RCOR1: variants seen among roughly 807,000 people sequenced by gnomAD.
The protein encoded by RCOR1 is REST corepressor.
A neutral mutation model predicts 64.0 loss-of-function variants in RCOR1; 12 were observed. That is an observed-to-expected ratio of 0.19 (90% CI 0.12 to 0.30). The LOEUF (loss-of-function observed/expected upper bound fraction) is 0.30. Among genes scored for constraint, RCOR1 ranks in the 10% least tolerant of loss-of-function variants. The probability of loss-of-function intolerance (pLI) is 1.00; values close to 1 mark genes in which losing one functional copy is unlikely to be tolerated. For missense variants in RCOR1, 502 were observed against 621.2 expected (o/e 0.81, Z 2.04); for synonymous variants, 279 against 227.2 (o/e 1.23, Z -2.05).
In RCOR1 at chr14:102,658,432, G is replaced by C. The variant is rs570642067; in HGVS notation, c.362-23463G>C. On this transcript the variant is annotated intron_variant, in intron 2 of 11. Transcript: ENST00000262241. ...AACTAGGGAGGTAAGAAGTTGCAGTGAGCCAAGATCACACCATTGCACTCC... is the reference window on the plus strand; with the variant it reads ...AACTAGGGAGGTAAGAAGTTGCAGTCAGCCAAGATCACACCATTGCACTCC... 4.1e-6 allele frequency: 3 copies of C among 737,934 alleles called. No homozygotes were observed. In the African/African-American group the frequency reaches 5.8e-5, roughly 14 times the overall value. 45.7% of individuals were successfully genotyped at this position (737,934 alleles called of 1,614,324 possible).
intron 3 of RCOR1, among the ~76,000 whole-genome samples, chr14:102,696,190 C>G (rs1191472351): frequency 1.3e-5 from 2 of 152,060 alleles, no homozygotes; most frequent in Admixed American, 1.3e-4. Context: ...TGTGTTGTCT[C>G]AAGCTACTGT....
chr14:102,687,964 CT>C (rs10712788), intron 3 of RCOR1, among the ~76,000 whole-genome samples: 40,204 of 135,486 alleles, frequency 0.3, 5,991 homozygotes, highest in African/African-American at 0.42. Context: ...ATAGCATTTC[CT>C]TTTTTTTTTT....
rs1893162527 is a variant in RCOR1, at chr14:102,593,009, A to G, written c.123A>G (p.Pro41=). 3.3e-6 allele frequency: 4 copies of G among 1,203,498 alleles called. No homozygotes were observed. The highest frequency in any genetic ancestry group is 4.1e-6 in the Non-Finnish European group (4 of 967,386). The allele number at this position is 1,203,498 out of a possible 1,614,324, so 74.6% of individuals were successfully genotyped here. ...CCGCCTCGGCCGCCTGCGCCTCGCC[A>G]GCCGCCACTGCCGCCTCGGGCGCCG... is the stretch of plus-strand genomic sequence containing the variant. The part of the protein sequence containing the change: ...SAAASAACAS[P]AATAASGAAA... Residue 41 remains proline, a synonymous_variant, in exon 1 of 12, where the codon CCA becomes CCG. Transcript: ENST00000262241.
Position 102,593,201 on chromosome 14 carries a change from G to GC in RCOR1, c.301+19dup. 1.4e-6 allele frequency: 2 copies of GC among 1,476,242 alleles called. No individual in the cohort carries two copies. Among genetic ancestry groups the GC allele is most frequent in the Admixed American group, 2.8e-5 (1 of 35,750 alleles). The allele number at this position is 1,476,242 out of a possible 1,614,324, so 91.4% of individuals were successfully genotyped here. Reference sequence around the variant, plus strand: ...ACGAGGAGCACGGTAGGTGGCAGCCGCCCCCGCGGCCCCGGGCCCCGCGCC... The same window carrying GC: ...ACGAGGAGCACGGTAGGTGGCAGCCGCCCCCCGCGGCCCCGGGCCCCGCGCC... On this transcript the variant is annotated intron_variant, in intron 1 of 11. Transcript: ENST00000262241.
intron 2 of RCOR1, among the ~76,000 whole-genome samples, chr14:102,653,517 A>G (rs1415496850): frequency 6.6e-6 from 1 of 152,176 alleles, no homozygotes; most frequent in African/African-American, 2.4e-5. Flanking sequence ...AGTTCCTAAA[A>G]GGCTTGTGTT....
intron 3 of RCOR1, among the ~76,000 whole-genome samples, chr14:102,693,072 C>T (rs969826354): frequency 7.2e-5 from 11 of 152,140 alleles, no homozygotes; most frequent in African/African-American, 2.4e-4. Context: ...AGCCCACATC[C>T]CATTCTTGAA....
At chr14:102,634,205 C>T in intron 2 of RCOR1, among the ~76,000 whole-genome samples, 1 of 151,986 alleles carries the variant, frequency 6.6e-6, no homozygotes. Flanking sequence ...CTTATTAATC[C>T]TGACTACAGT....
chr14:102,640,254 C>T (rs1894339610), intron 2 of RCOR1, among the ~76,000 whole-genome samples: 1 of 152,194 alleles, frequency 6.6e-6, no homozygotes, highest in Admixed American at 6.5e-5. Context: ...GTGCTGGGAG[C>T]CGCTGTGCCC....
At position 102,728,815 on chromosome 14, in the gene RCOR1, T is replaced by C. The variant is rs1009372333; in HGVS notation, c.*2309T>C. On this transcript the variant is annotated 3_prime_UTR_variant, in exon 12 of 12. Transcript: ENST00000262241. ...GAGGAAGGGGCATGTCATTTTTATT[T>C]GACAGAGGGAAAATGGGAGCTGTCC... is the stretch of plus-strand genomic sequence containing the variant. 6.6e-6 allele frequency: 1 copy of C among 152,176 alleles called. No individual in the cohort carries two copies. The highest frequency in any genetic ancestry group is 1.5e-5 in the Non-Finnish European group (1 of 68,038). 9.4% of individuals were successfully genotyped at this position (152,176 alleles called of 1,614,324 possible).
At chr14:102,718,715 G>C (rs1896117182) in intron 8 of RCOR1, among the ~76,000 whole-genome samples, 1 of 152,042 alleles carries the variant, frequency 6.6e-6, no homozygotes, top group South Asian at 2.1e-4. Context: ...TCACTTTCCA[G>C]TTAGCATGAT....
chr14:102,708,329 T>C, intron 5 of RCOR1, 136 bp from the exon 6 acceptor site: 3 of 591,942 alleles, frequency 5.1e-6, no homozygotes. Flanking sequence ...CTCCATCTCC[T>C]GACCTCGTGA....
chr14:102,700,598 G>A (rs1181955670), intron 3 of RCOR1, among the ~76,000 whole-genome samples: 1 of 152,122 alleles, frequency 6.6e-6, no homozygotes, highest in Non-Finnish European at 1.5e-5. Flanking sequence ...AGAACTCCTG[G>A]CCTCAAGGGA....
At chr14:102,688,110 G>A (rs1333639301) in intron 3 of RCOR1, among the ~76,000 whole-genome samples, 1 of 152,038 alleles carries the variant, frequency 6.6e-6, no homozygotes, top group Non-Finnish European at 1.5e-5. Flanking sequence ...GGGATTACAT[G>A]CGTGTGCCAC....
chr14:102,609,729 G>C (rs1248610913), intron 2 of RCOR1, among the ~76,000 whole-genome samples: 2 of 152,040 alleles, frequency 1.3e-5, no homozygotes, highest in Non-Finnish European at 2.9e-5. Context: ...TTACAGGCGT[G>C]AAAATGCTAC....
intron 2 of RCOR1, among the ~76,000 whole-genome samples, chr14:102,596,251 G>A (rs1367116913): frequency 2.6e-5 from 4 of 151,634 alleles, no homozygotes; most frequent in South Asian, 2.1e-4. Flanking sequence ...ACAGGCATGC[G>A]CCACCATGCC....
intron 3 of RCOR1, among the ~76,000 whole-genome samples, chr14:102,697,521 A>G (rs1192830461): frequency 6.6e-6 from 1 of 152,208 alleles, no homozygotes; most frequent in Admixed American, 6.5e-5. Flanking sequence ...CAATGAAAAG[A>G]ATGAAAAAGT....
In RCOR1 at chr14:102,662,101, G is replaced by GT. The variant is rs1351574633; in HGVS notation, c.362-19791dup. The GT allele has an allele frequency of 1.1e-5, 4 of 348,490 alleles. No homozygotes were observed. In the East Asian group the frequency reaches 3.0e-4, roughly 26 times the overall value. The allele number at this position is 348,490 out of a possible 1,614,324, so 21.6% of individuals were successfully genotyped here. On this transcript the variant is annotated intron_variant, in intron 2 of 11. Coordinates refer to ENST00000262241, the MANE Select transcript of RCOR1 (RefSeq NM_015156.4). ...CTGGGTGATTTTGTAGTAGGCAGCA[G>GT]TTTGTTGTCATTTGCATGTTGTACT...
chr14:102,631,521 A>G (rs1324894744), intron 2 of RCOR1, among the ~76,000 whole-genome samples: 2 of 151,834 alleles, frequency 1.3e-5, no homozygotes, highest in African/African-American at 4.8e-5. Context: ...ACTATTTTTG[A>G]GAATAAAAAG....
intron 2 of RCOR1, among the ~76,000 whole-genome samples, chr14:102,624,794 T>C (rs977759585): frequency 3.3e-5 from 5 of 151,852 alleles, no homozygotes; most frequent in Non-Finnish European, 5.9e-5. Context: ...AAAGCATTAC[T>C]TAATCTCTTA....
Sources: gnomAD v4.1 joint callset for allele counts (sites outside exome capture counted in the v4.1 genomes callset) on GRCh38, gnomAD v4.1.1 for gene constraint, MANE v1.5 for transcripts, NCBI Gene and HGNC (gene_info 2026-07-23, HGNC 2026-07-21) for gene names.